Variants in DIPK1A observed in about 807,000 individuals in gnomAD.
DIPK1A encodes the protein divergent protein kinase domain 1A.
In DIPK1A, 27 loss-of-function variants were observed where a neutral mutation model predicts 40.8. That is an observed-to-expected ratio of 0.66 (90% CI 0.49 to 0.91). The LOEUF (loss-of-function observed/expected upper bound fraction) is 0.91, where lower values mean the gene tolerates loss of function less well. Among genes scored for constraint, DIPK1A ranks in the 40% least tolerant of loss-of-function variants. The pLI, the probability that DIPK1A is intolerant of heterozygous loss-of-function variation, is 0.00. For missense variants in DIPK1A, 412 were observed against 505.7 expected (o/e 0.81, Z 1.78); for synonymous variants, 166 against 171.3 (o/e 0.97, Z 0.24).
At chr1:92,911,878 C>T (rs1179596236) in intron 1 of DIPK1A, among the ~76,000 whole-genome samples, 9 of 151,770 alleles carry the variant, frequency 5.9e-5, no homozygotes, top group African/African-American at 2.2e-4. Flanking sequence ...GTGGCAGGTG[C>T]CTGTAATCCC....
At chr1:92,917,121 G>A (rs143259939) in intron 1 of DIPK1A, among the ~76,000 whole-genome samples, 109 of 152,168 alleles carry the variant, frequency 7.2e-4, no homozygotes, top group African/African-American at 2.4e-3. Flanking sequence ...CATTTTCAGT[G>A]TTGCAATAAT....
At chr1:92,851,415 C>T (rs1443974556) in intron 2 of DIPK1A, among the ~76,000 whole-genome samples, 2 of 151,282 alleles carry the variant, frequency 1.3e-5, no homozygotes, top group Non-Finnish European at 2.9e-5. Flanking sequence ...TGGTGGCGGG[C>T]GCCTGTAATG....
chr1:92,852,821 C>G (rs1345440006), intron 2 of DIPK1A, among the ~76,000 whole-genome samples: 1 of 152,154 alleles, frequency 6.6e-6, no homozygotes, highest in Non-Finnish European at 1.5e-5. Flanking sequence ...AGGCAGATCG[C>G]TTGAGCTCAG....
intron 1 of DIPK1A, among the ~76,000 whole-genome samples, chr1:92,889,042 T>C (rs1648737127): frequency 6.6e-6 from 1 of 152,240 alleles, no homozygotes; most frequent in Admixed American, 6.5e-5. Flanking sequence ...TTGTCTATTT[T>C]GCCTGTGCTT....
chr1:92,853,899 T>C (rs931716438), intron 2 of DIPK1A, among the ~76,000 whole-genome samples: 2 of 152,200 alleles, frequency 1.3e-5, no homozygotes, highest in African/African-American at 2.4e-5. Flanking sequence ...TTTGTTTTGT[T>C]TTTTTGAGAC....
chr1:92,889,267 G>A (rs1414933266), intron 1 of DIPK1A, among the ~76,000 whole-genome samples: 2 of 152,124 alleles, frequency 1.3e-5, no homozygotes, highest in African/African-American at 2.4e-5. Flanking sequence ...GAGATAGTCC[G>A]TTTCCCAATA....
At chr1:92,954,656 T>C (rs1651774663) in intron 1 of DIPK1A, among the ~76,000 whole-genome samples, 1 of 152,144 alleles carries the variant, frequency 6.6e-6, no homozygotes, top group Non-Finnish European at 1.5e-5. Flanking sequence ...ATTACAGACG[T>C]GAGCCTCCGT....
At chr1:92,871,854 A>G (rs376079514) in intron 2 of DIPK1A, among the ~76,000 whole-genome samples, 2 of 152,088 alleles carry the variant, frequency 1.3e-5, no homozygotes, top group Non-Finnish European at 2.9e-5. Context: ...TTGTTTATCC[A>G]TTCATCTGTG....
chr1:92,887,124 AG>A (rs1012287697), intron 1 of DIPK1A, among the ~76,000 whole-genome samples: 15 of 151,906 alleles, frequency 9.9e-5, no homozygotes, highest in African/African-American at 2.9e-4. Flanking sequence ...TGCAAATAAA[AG>A]TATGCAATTG....
chr1:92,841,349 T>C (rs1278682133), downstream of DIPK1A, among the ~76,000 whole-genome samples: 1 of 152,240 alleles, frequency 6.6e-6, no homozygotes, highest in Admixed American at 6.5e-5. Context: ...TGACAGAATT[T>C]CCATCATTTT....
At position 92,867,505 on chromosome 1, in the gene DIPK1A, T is replaced by G. The variant is rs147527798; in HGVS notation, c.189+8791A>C. Among the ~76,000 whole-genome samples the G allele has an allele frequency of 7.3e-3, 1,117 of 152,146 alleles. 11 individuals carry two copies. Among genetic ancestry groups the G allele is most frequent in the Middle Eastern group, 0.01 (3 of 294 alleles). On this transcript the variant is annotated intron_variant, in intron 2 of 4. Coordinates refer to ENST00000370310, the MANE Select transcript of DIPK1A (RefSeq NM_001006605.5). ...ACTGTTAAACAGATATAAACTTTGTTGTTGTTGTTGTTGTTGTTGAGACAG... is the reference window on the plus strand; with the variant it reads ...ACTGTTAAACAGATATAAACTTTGTGGTTGTTGTTGTTGTTGTTGAGACAG...
At chr1:92,955,661 G>A (rs1651821873) in intron 1 of DIPK1A, among the ~76,000 whole-genome samples, 2 of 142,428 alleles carry the variant, frequency 1.4e-5, no homozygotes, top group South Asian at 4.4e-4. Flanking sequence ...TCGCACCACT[G>A]CACTACAGCC....
intron 1 of DIPK1A, among the ~76,000 whole-genome samples, chr1:92,878,689 G>A (rs1386703797): frequency 2.0e-5 from 3 of 152,082 alleles, no homozygotes; most frequent in African/African-American, 4.8e-5. Flanking sequence ...GCGAGGTGGC[G>A]GGGGCCTGTA....
intron 1 of DIPK1A, among the ~76,000 whole-genome samples, chr1:92,891,419 T>G (rs1648870182): frequency 6.6e-6 from 1 of 152,166 alleles, no homozygotes; most frequent in South Asian, 2.1e-4. Context: ...ACTTTTTGGA[T>G]GTAGGTGTTT....
rs1056141976 is a variant in DIPK1A, at chr1:92,842,476, G to A, written c.*907C>T. 6.2e-6 allele frequency: 6 copies of A among 970,330 alleles called. No homozygotes were observed. The African/African-American group carries it at 1.1e-4, about 18-fold the overall frequency. The allele number at this position is 970,330 out of a possible 1,614,324, so 60.1% of individuals were successfully genotyped here. ...AAACCTTGTATATCAAGTTTACATG[G>A]GGAAAAAAACATTAGATAAATAAAT... On this transcript the variant is annotated 3_prime_UTR_variant, in exon 5 of 5. Transcript: ENST00000370310.
chr1:92,954,362 T>TTTTC (rs1411008831), intron 1 of DIPK1A, among the ~76,000 whole-genome samples: 6 of 133,316 alleles, frequency 4.5e-5, no homozygotes, highest in South Asian at 4.7e-4. Context: ...ACACTTTATC[T>TTTTC]TTTCTTTCTT....
In DIPK1A at chr1:92,961,374, A is replaced by T; in HGVS notation, c.54+2T>A. 6.6e-7 allele frequency: 1 copy of T among 1,517,380 alleles called. No homozygotes were observed. The highest frequency in any genetic ancestry group is 8.9e-7 in the Non-Finnish European group (1 of 1,129,196). The allele number at this position is 1,517,380 out of a possible 1,614,324, so 94.0% of individuals were successfully genotyped here. A position where few individuals can be genotyped will look rare whatever the true frequency, so the allele number is the denominator to read the frequency against. ...CTGGTGGCTGGGCGGCCGCCGGCCT[A>T]CCTGGAGGTAATAGGGTTTCCTTAG... On this transcript the variant is annotated splice_donor_variant, in intron 1 of 4. Coordinates refer to ENST00000370310, the MANE Select transcript of DIPK1A (RefSeq NM_001006605.5). LOFTEE classifies it high-confidence loss of function.
chr1:92,894,266 C>T (rs1649058454), intron 1 of DIPK1A, among the ~76,000 whole-genome samples: 1 of 152,058 alleles, frequency 6.6e-6, no homozygotes, highest in Admixed American at 6.5e-5. Flanking sequence ...AAGCACTCCT[C>T]ATCAAATGGA....
chr1:92,860,646 A>AAAAAAAAAAGCCAGGGG (rs148916481), intron 2 of DIPK1A, among the ~76,000 whole-genome samples: 2 of 105,214 alleles, frequency 1.9e-5, no homozygotes, highest in Admixed American at 1.2e-4. Flanking sequence ...AAAAAAAAAA[A>AAAAAAAAAAGCCAGGGG]TGGTGGTGTG....
Sources: gnomAD v4.1 joint callset for allele counts (sites outside exome capture counted in the v4.1 genomes callset) on GRCh38, gnomAD v4.1.1 for gene constraint, MANE v1.5 for transcripts, NCBI Gene and HGNC (gene_info 2026-07-23, HGNC 2026-07-21) for gene names.